The following SENP5 variants were observed in gnomAD, a reference collection of about 807,000 sequenced individuals.
The protein encoded by SENP5 is SUMO specific peptidase 5, also known as sentrin-specific protease 5.
A neutral mutation model predicts 74.2 loss-of-function variants in SENP5; 21 were observed. The ratio of observed to expected loss-of-function variants is 0.28; its 90% CI spans 0.20 to 0.41. SENP5 has a LOEUF of 0.41. SENP5 is among the 10% of genes least tolerant of loss of function. The pLI, the probability that SENP5 is intolerant of heterozygous loss-of-function variation, is 1.00. For missense variants in SENP5, 717 were observed against 889.1 expected (o/e 0.81, Z 2.46); for synonymous variants, 311 against 312.7 (o/e 0.99, Z 0.06).
rs1577820326 is a variant in SENP5 at position 196,899,565 on chromosome 3, G to GT, written c.1514-100dup. Reference sequence around the variant, plus strand: ...TATATAGTAATATAGGTTAACCACTGTATGTGTTAAGTGCTGTGTATAGGT... The same window carrying GT: ...TATATAGTAATATAGGTTAACCACTGTTATGTGTTAAGTGCTGTGTATAGGT... On this transcript the variant is annotated intron_variant, in intron 2 of 9. Coordinates refer to ENST00000323460, the MANE Select transcript of SENP5 (RefSeq NM_152699.5). The GT allele has an allele frequency of 1.0e-5, 7 of 692,550 alleles. No individual in the cohort carries two copies. In the East Asian group the frequency reaches 1.5e-4, roughly 15 times the overall value. The allele number at this position is 692,550 out of a possible 1,614,324, so 42.9% of individuals were successfully genotyped here.
rs1247295201 is a variant in SENP5, at chr3:196,931,609, C to T, written c.*686C>T. 1 of 242,228 alleles carries T rather than the reference C, an allele frequency of 4.1e-6. No homozygotes were observed. Among genetic ancestry groups the T allele is most frequent in the African/African-American group, 2.4e-5 (1 of 42,290 alleles). 15.0% of individuals were successfully genotyped at this position (242,228 alleles called of 1,614,324 possible). ...CAACCTTGGAGGCCAGTAACAATGA[C>T]AGATTTCAATCGTGGTTTTAGGAAT... is the stretch of plus-strand genomic sequence containing the variant. On this transcript the variant is annotated 3_prime_UTR_variant, in exon 10 of 10. Coordinates refer to ENST00000323460, the MANE Select transcript of SENP5 (RefSeq NM_152699.5).
At chr3:196,898,365 G>A (rs1318749842) in intron 2 of SENP5, among the ~76,000 whole-genome samples, 1 of 151,456 alleles carries the variant, frequency 6.6e-6, no homozygotes, top group African/African-American at 2.4e-5. Context: ...GGAGGCTGGA[G>A]CGAAAGGATC....
chr3:196,900,547 A>T, intron 5 of SENP5, 135 bp downstream of exon 5: 1 of 626,984 alleles, frequency 1.6e-6, no homozygotes, highest in Non-Finnish European at 2.7e-6. Context: ...TTTTTTCTTG[A>T]TCATGTACTG....
chr3:196,909,432 A>C (rs900963603), intron 6 of SENP5, among the ~76,000 whole-genome samples: 3 of 152,216 alleles, frequency 2.0e-5, no homozygotes. Context: ...CATCATCCTG[A>C]TACCAAAACC....
intron 1 of SENP5, among the ~76,000 whole-genome samples, chr3:196,875,275 C>T (rs1713406823): frequency 6.6e-6 from 1 of 152,214 alleles, no homozygotes. Context: ...GATTGATTCA[C>T]TTTGCTACAT....
chr3:196,907,803 C>G, intron 6 of SENP5, among the ~76,000 whole-genome samples: 1 of 151,924 alleles, frequency 6.6e-6, no homozygotes, highest in African/African-American at 2.4e-5. Context: ...AATTTGTGTT[C>G]GGCTGCATTC....
At chr3:196,879,002 G>A (rs903010169) in intron 1 of SENP5, among the ~76,000 whole-genome samples, 2 of 152,112 alleles carry the variant, frequency 1.3e-5, no homozygotes, top group Non-Finnish European at 2.9e-5. Flanking sequence ...CTGTGTACTT[G>A]CATACTTCTT....
chr3:196,909,431 G>A (rs1036820846), intron 6 of SENP5, among the ~76,000 whole-genome samples: 1 of 152,168 alleles, frequency 6.6e-6, no homozygotes, highest in Non-Finnish European at 1.5e-5. Flanking sequence ...GCATCATCCT[G>A]ATACCAAAAC....
At position 196,933,435 on chromosome 3, in the gene SENP5, G is replaced by C. The variant is rs1716122928; in HGVS notation, c.*2512G>C. 6.6e-6 allele frequency: 1 copy of C among 152,094 alleles called. No homozygotes were observed. Among genetic ancestry groups the C allele is most frequent in the South Asian group, 2.1e-4 (1 of 4,824 alleles). 9.4% of individuals were successfully genotyped at this position (152,094 alleles called of 1,614,324 possible). A position where few individuals can be genotyped will look rare whatever the true frequency, so the allele number is the denominator to read the frequency against. On this transcript the variant is annotated 3_prime_UTR_variant, in exon 10 of 10. Coordinates refer to ENST00000323460, the MANE Select transcript of SENP5 (RefSeq NM_152699.5). The stretch of plus-strand genomic sequence containing the variant: ...AGGTGTAAACCTCTATTTAACTCAA[G>C]TCCTAGATTAGAATGTCCTTTGTCC...
chr3:196,894,119 T>G (rs1714333938), intron 2 of SENP5, among the ~76,000 whole-genome samples: 1 of 54,412 alleles, frequency 1.8e-5, no homozygotes, highest in Non-Finnish European at 4.7e-5. Context: ...TAATGTGGTT[T>G]TTTTTTTTTT....
chr3:196,891,907 C>G (rs1411483160), intron 2 of SENP5, among the ~76,000 whole-genome samples: 5 of 151,966 alleles, frequency 3.3e-5, no homozygotes, highest in African/African-American at 1.2e-4. Flanking sequence ...TCTCCTGCCT[C>G]AGCCTCCGGA....
At chr3:196,905,391 G>A (rs112729660) in intron 6 of SENP5, among the ~76,000 whole-genome samples, 38 of 152,206 alleles carry the variant, frequency 2.5e-4, no homozygotes, top group African/African-American at 8.4e-4. Context: ...ACAGTGCCAC[G>A]TCCCATAGTT....
chr3:196,885,058 T>C (rs1026313810), intron 1 of SENP5, 93 bp from the exon 2 acceptor site: 7 of 709,248 alleles, frequency 9.9e-6, no homozygotes, highest in Non-Finnish European at 1.4e-5. Context: ...TATGTACTCT[T>C]TTTTTTTCTC....
At chr3:196,892,484 A>G (rs1210870848) in intron 2 of SENP5, among the ~76,000 whole-genome samples, 2 of 152,196 alleles carry the variant, frequency 1.3e-5, no homozygotes, top group East Asian at 1.9e-4. Flanking sequence ...CTATATATTT[A>G]TGGGGTACAA....
At chr3:196,887,543 T>A (rs578101006) in intron 2 of SENP5, among the ~76,000 whole-genome samples, 2 of 151,890 alleles carry the variant, frequency 1.3e-5, no homozygotes, top group African/African-American at 4.8e-5. Context: ...AGACGCTCAA[T>A]GTACCAGGCA....
chr3:196,903,708 G>A (rs1714790957), intron 6 of SENP5, 98 bp downstream of exon 6: 1 of 646,374 alleles, frequency 1.5e-6, no homozygotes, highest in South Asian at 2.2e-5. Flanking sequence ...ACGATGTTAA[G>A]TAGAAACAGA....
chr3:196,893,231 C>T (rs529065943), intron 2 of SENP5, among the ~76,000 whole-genome samples: 5 of 152,222 alleles, frequency 3.3e-5, no homozygotes, highest in South Asian at 2.1e-4. Context: ...TCTTGCTATT[C>T]GTTGTTTGAG....
rs776376601 is a variant in SENP5 at position 196,899,757 on chromosome 3, A to G, written c.1605A>G (p.Glu535=). 1 of 1,596,286 alleles carries G rather than the reference A, an allele frequency of 6.3e-7. No homozygotes were observed. Among genetic ancestry groups the G allele is most frequent in the Non-Finnish European group, 8.6e-7 (1 of 1,163,984 alleles). ...GAAGATTAAAAGATGTCTTTAATGA[A>G]GACTTTTCTAATAGGTATATAAATG... ...VLGRLKDVFN[E]DFSNRKPFIN... The change falls in exon 3 of 10, where the codon GAA becomes GAG. Residue 535 remains glutamate (E), a synonymous_variant. Transcript: ENST00000323460.
At position 196,886,138 on chromosome 3, in the gene SENP5, G is replaced by A. The variant is rs1360681309; in HGVS notation, c.957G>A (p.Thr319=). The change falls in exon 2 of 10, where the codon ACG becomes ACA. Residue 319 remains threonine, a synonymous_variant. Transcript: ENST00000323460. The part of the protein sequence containing the change: ...DMDSSAVVKG[T]NSHVPDCHTK... ...ACAGCAGTGCTGTGGTGAAGGGGAC[G>A]AACTCTCATGTGCCTGATTGCCACA... 3.1e-6 allele frequency: 5 copies of A among 1,614,048 alleles called. No individual in the cohort carries two copies. In the Admixed American group the frequency reaches 5.0e-5, roughly 16 times the overall value.
Sources: allele counts gnomAD v4.1 joint callset (sites outside exome capture counted in the v4.1 genomes callset), GRCh38; gene constraint gnomAD v4.1.1; transcripts MANE v1.5; gene names NCBI Gene and HGNC (gene_info 2026-07-23, HGNC 2026-07-21).